DNMT1: variants seen among roughly 807,000 people sequenced by gnomAD.
DNMT1 encodes the protein DNA methyltransferase 1.
Under a neutral mutation model 205.3 loss-of-function variants are expected in DNMT1, and 24 were observed. The observed-to-expected ratio is 0.12, with a 90% CI of 0.08 to 0.16. The LOEUF (loss-of-function observed/expected upper bound fraction) is 0.16, where lower values mean the gene tolerates loss of function less well. Among genes scored for constraint, DNMT1 ranks in the 10% least tolerant of loss-of-function variants. The pLI, the probability that DNMT1 is intolerant of heterozygous loss-of-function variation, is 1.00. For missense variants in DNMT1, 1,293 were observed against 2,177.7 expected, an observed-to-expected ratio of 0.59 and a Z score of 8.09; for synonymous variants, 817 against 839.8, an observed-to-expected ratio of 0.97 and a Z score of 0.47.
chr19:10,149,823 C>CAAAA, intron 25 of DNMT1, 30 bp downstream of exon 25: 1 of 1,611,848 alleles, frequency 6.2e-7, no homozygotes, highest in Non-Finnish European at 8.5e-7. Context: ...AAAGTGCATG[C>CAAAA]AGAAGTCAAG....
chr19:10,170,096 C>T (rs1157144674), intron 9 of DNMT1, among the ~76,000 whole-genome samples: 9 of 151,850 alleles, frequency 5.9e-5, no homozygotes, highest in Non-Finnish European at 1.3e-4. Context: ...ACCAACCTGG[C>T]CAACACGGCA....
At chr19:10,177,099 A>G (rs1401193177) in intron 6 of DNMT1, among the ~76,000 whole-genome samples, 193 bp downstream of exon 6, 1 of 152,140 alleles carries the variant, frequency 6.6e-6, no homozygotes, top group Non-Finnish European at 1.5e-5. Context: ...TTTTGTGTAC[A>G]TTTGAACTTT....
In DNMT1 at chr19:10,163,303, G is replaced by C. The variant is rs745953310; in HGVS notation, c.926+23C>G. The C allele has an allele frequency of 4.1e-5, 66 of 1,613,350 alleles. 1 individual carries two copies. Among genetic ancestry groups the C allele is most frequent in the South Asian group, 3.2e-4 (29 of 91,078 alleles). ...TTCTACTGATCCAGATGACACAAAA[G>C]CACAAGCATTTTAAACACTTACAGA... On this transcript the variant is annotated intron_variant, in intron 12 of 40. Transcript: ENST00000359526.
chr19:10,179,945 G>T, intron 5 of DNMT1: 1 of 168,602 alleles, frequency 5.9e-6, no homozygotes, highest in Non-Finnish European at 1.2e-5. Flanking sequence ...AGCCGAGATC[G>T]CGCCATTGCA....
chr19:10,165,993 C>A (rs898669046), intron 11 of DNMT1, among the ~76,000 whole-genome samples: 4 of 152,114 alleles, frequency 2.6e-5, no homozygotes, highest in African/African-American at 9.7e-5. Flanking sequence ...AGGCAGAAAC[C>A]CAGAGACCCT....
At chr19:10,183,631 T>C (rs1288790473) in intron 1 of DNMT1, among the ~76,000 whole-genome samples, 1 of 151,592 alleles carries the variant, frequency 6.6e-6, no homozygotes, top group Non-Finnish European at 1.5e-5. Flanking sequence ...TTGGGTGGAT[T>C]ACCTGAGGGC....
chr19:10,165,735 G>A (rs1399978605), intron 11 of DNMT1, among the ~76,000 whole-genome samples: 1 of 152,144 alleles, frequency 6.6e-6, no homozygotes, highest in Non-Finnish European at 1.5e-5. Flanking sequence ...CTGGCAGTGT[G>A]AGCTCAGGCC....
At chr19:10,177,900 A>C (rs2038964998) in intron 5 of DNMT1, among the ~76,000 whole-genome samples, 1 of 149,930 alleles carries the variant, frequency 6.7e-6, no homozygotes, top group Admixed American at 6.7e-5. Flanking sequence ...GCCACTGTAC[A>C]CAGCCTTGGC....
At chr19:10,152,773 A>G (rs923191877) in intron 22 of DNMT1, among the ~76,000 whole-genome samples, 1 of 151,730 alleles carries the variant, frequency 6.6e-6, no homozygotes, top group Non-Finnish European at 1.5e-5. Flanking sequence ...AACAACAACA[A>G]CAACAACAAC....
At chr19:10,178,892 C>T (rs2038985951) in intron 5 of DNMT1, among the ~76,000 whole-genome samples, 2 of 151,600 alleles carry the variant, frequency 1.3e-5, no homozygotes, top group Non-Finnish European at 2.9e-5. Flanking sequence ...TTTGGGAGGC[C>T]GAGGCGGGCG....
chr19:10,164,685 T>C (rs1879246793), intron 11 of DNMT1, among the ~76,000 whole-genome samples: 1 of 151,768 alleles, frequency 6.6e-6, no homozygotes, highest in African/African-American at 2.4e-5. Context: ...CCCAGCACCT[T>C]GGGAGGCTGA....
rs1322701637 is a variant in DNMT1, at chr19:10,146,749, G to C, written c.2721-225C>G. On this transcript the variant is annotated intron_variant, in intron 27 of 40. Coordinates refer to ENST00000359526, the MANE Select transcript of DNMT1 (RefSeq NM_001130823.3). This position sits in a 1 kb window ranked among gnomAD's most constrained non-coding sequence, Gnocchi z 4.4. Reference sequence around the variant, plus strand: ...ATAGCAAGAAAATCAGGCAACTTTTGAGTCATTGAGACAAAAACCCTAAGA... The same window carrying C: ...ATAGCAAGAAAATCAGGCAACTTTTCAGTCATTGAGACAAAAACCCTAAGA... 6.6e-6 allele frequency among the ~76,000 whole-genome samples: 1 copy of C among 152,114 alleles called. No homozygotes were observed. Among genetic ancestry groups the C allele is most frequent in the Non-Finnish European group, 1.5e-5 (1 of 68,022 alleles).
rs2089536902 is a variant in DNMT1, at chr19:10,138,485, G to A, written c.4069C>T (p.Leu1357=). The A allele has an allele frequency of 6.2e-7, 1 of 1,613,880 alleles. No individual in the cohort carries two copies. Residue 1357 remains leucine (L), a synonymous_variant, in exon 35 of 41, where the codon CTG becomes TTG. Coordinates refer to ENST00000359526, the MANE Select transcript of DNMT1 (RefSeq NM_001130823.3). The surrounding 1 kb of genome is among the most constrained non-coding windows in gnomAD (Gnocchi z 4.1). ...LHVFAPRACQ[L]SVVVDDKKFV... ...TTCTTGTCATCCACCACCACGCTCA[G>A]CTGGCAGGCCCGGGGAGCAAACACG... is the stretch of plus-strand genomic sequence containing the variant.
At chr19:10,194,719 C>A (rs904173521) in intron 1 of DNMT1, 101 bp downstream of exon 1, 1 of 1,444,424 alleles carries the variant, frequency 6.9e-7, no homozygotes, top group South Asian at 1.4e-5. Flanking sequence ...CATGCGCGCC[C>A]GTCTGTCAGC....
At chr19:10,165,428 T>C (rs901503376) in intron 11 of DNMT1, among the ~76,000 whole-genome samples, 1 of 152,192 alleles carries the variant, frequency 6.6e-6, no homozygotes, top group Non-Finnish European at 1.5e-5. Context: ...AGTCTCGCTC[T>C]GTTGCCCAGG....
Position 10,159,145 on chromosome 19 carries a change from G to C in DNMT1, c.1280+513C>G, listed in dbSNP as rs1034580087. On this transcript the variant is annotated intron_variant, in intron 17 of 40. Coordinates refer to ENST00000359526, the MANE Select transcript of DNMT1 (RefSeq NM_001130823.3). The surrounding 1 kb of genome is among the most constrained non-coding windows in gnomAD (Gnocchi z 5.0). ...CCTCAGGATGTGGGCAGAATGGAGG[G>C]GTAATATGTGTAGTGTAAAAACCCA... Among the ~76,000 whole-genome samples the C allele has an allele frequency of 3.9e-5, 6 of 152,088 alleles. No individual in the cohort carries two copies. Among genetic ancestry groups the C allele is most frequent in the Non-Finnish European group, 5.9e-5 (4 of 68,014 alleles).
intron 11 of DNMT1, among the ~76,000 whole-genome samples, chr19:10,165,772 G>A (rs1027125864): frequency 3.3e-5 from 5 of 152,186 alleles, no homozygotes; most frequent in Admixed American, 3.3e-4. Context: ...AGAGGGCAGG[G>A]AGTAATGTGA....
In DNMT1 at chr19:10,154,229, T is replaced by A. The variant is rs543045946; in HGVS notation, c.2019+64A>T. On this transcript the variant is annotated intron_variant, in intron 22 of 40. Coordinates refer to ENST00000359526, the MANE Select transcript of DNMT1 (RefSeq NM_001130823.3). The surrounding 1 kb of genome is among the most constrained non-coding windows in gnomAD (Gnocchi z 6.3). ...AGCCACAGAGAGAAAGATGGAGCAG[T>A]CCTCAGATCAGGCCAGAGGCTGGGC... 6.6e-7 allele frequency: 1 copy of A among 1,512,700 alleles called. No individual in the cohort carries two copies. The highest frequency in any genetic ancestry group is 1.4e-5 in the African/African-American group (1 of 72,968). The allele number at this position is 1,512,700 out of a possible 1,614,324, so 93.7% of individuals were successfully genotyped here.
intron 27 of DNMT1, among the ~76,000 whole-genome samples, chr19:10,147,195 G>C (rs765532437): frequency 1.3e-5 from 2 of 152,114 alleles, no homozygotes; most frequent in Non-Finnish European, 2.9e-5. Context: ...CCAGCAGGTC[G>C]AGGCTACAGT....
Sources: allele counts gnomAD v4.1 joint callset (sites outside exome capture counted in the v4.1 genomes callset), GRCh38; gene constraint gnomAD v4.1.1; non-coding constraint Gnocchi (gnomAD v3.1); transcripts MANE v1.5; gene names NCBI Gene and HGNC (gene_info 2026-07-23, HGNC 2026-07-21).